The following DEPDC4 variants were observed in gnomAD, a reference collection of about 807,000 sequenced individuals.
DEPDC4 encodes DEP domain containing 4, also known as DEP domain-containing protein 4.
DEPDC4 carries 52 observed loss-of-function variants against 52.0 expected under a neutral mutation model. The ratio of observed to expected loss-of-function variants is 1.00; its 90% CI spans 0.80 to 1.26. The LOEUF (loss-of-function observed/expected upper bound fraction) is 1.26, where lower values mean the gene tolerates loss of function less well. Among genes scored for constraint, DEPDC4 ranks in the 50% most tolerant of loss-of-function variants. DEPDC4 has a pLI of 0.00. For synonymous variants in DEPDC4, 201 were observed against 196.8 expected, an observed-to-expected ratio of 1.02 and a Z score of -0.18; for missense variants, 530 against 546.9, an observed-to-expected ratio of 0.97 and a Z score of 0.31.
chr12:100,232,424 G>T (rs2096136112), intron 9 of DEPDC4, among the ~76,000 whole-genome samples: 1 of 151,418 alleles, frequency 6.6e-6, no homozygotes, highest in Non-Finnish European at 1.5e-5. Context: ...TTGTATATGG[G>T]TTAATTAACA....
chr12:100,274,819 C>T, the DEPDC4 span, among the ~76,000 whole-genome samples: 2 of 152,160 alleles, frequency 1.3e-5, no homozygotes, highest in African/African-American at 2.4e-5. Context: ...ATTTGGAGAG[C>T]GATAGGGCTT....
Position 100,256,158 on chromosome 12 carries a change from A to G in DEPDC4, c.769T>C (p.Leu257=), listed in dbSNP as rs776822028. ...LIHLPFLDNI[L]EPPVKTQNLQ... ...TTTTGTGTTTTAACTGGAGGCTCCAAAATATTGTCCAAGAATGGAAGGTGA... is the reference window on the plus strand; with the variant it reads ...TTTTGTGTTTTAACTGGAGGCTCCAGAATATTGTCCAAGAATGGAAGGTGA... Residue 257 remains leucine, a synonymous_variant, in exon 4 of 10, where the codon TTG becomes CTG. Transcript: ENST00000550587. 1 of 1,613,078 alleles carries G rather than the reference A, an allele frequency of 6.2e-7. No individual in the cohort carries two copies. Among genetic ancestry groups the G allele is most frequent in the African/African-American group, 1.3e-5 (1 of 74,914 alleles).
At chr12:100,277,469 A>G in the DEPDC4 span, among the ~76,000 whole-genome samples, 1 of 152,176 alleles carries the variant, frequency 6.6e-6, no homozygotes, top group African/African-American at 2.4e-5. Context: ...TAGTATTGTT[A>G]TGTCTTTTTG....
intron 9 of DEPDC4, among the ~76,000 whole-genome samples, chr12:100,232,346 C>T (rs373162939): frequency 6.6e-6 from 1 of 150,900 alleles, no homozygotes; most frequent in African/African-American, 2.4e-5. Context: ...CAGTGAGCCA[C>T]GTTCGCGCCA....
At chr12:100,266,664 A>C (rs781068087) in intron 1 of DEPDC4, among the ~76,000 whole-genome samples, 2 of 152,194 alleles carry the variant, frequency 1.3e-5, no homozygotes, top group African/African-American at 2.4e-5. Context: ...CTTTCACAAG[A>C]TCCTAGGGAT....
At chr12:100,246,260 A>C (rs575729611) in intron 8 of DEPDC4, among the ~76,000 whole-genome samples, 11 of 151,392 alleles carry the variant, frequency 7.3e-5, no homozygotes, top group Admixed American at 6.0e-4. Flanking sequence ...ATTATGCGTT[A>C]TCTCTTCTAC....
At chr12:100,260,104 A>C (rs2096248476) in intron 3 of DEPDC4, among the ~76,000 whole-genome samples, 1 of 151,940 alleles carries the variant, frequency 6.6e-6, no homozygotes, top group African/African-American at 2.4e-5. Context: ...AGTGGAAATT[A>C]TTCTTATTAT....
intron 7 of DEPDC4, among the ~76,000 whole-genome samples, chr12:100,249,851 A>G (rs1306838055): frequency 1.3e-5 from 2 of 152,268 alleles, no homozygotes; most frequent in South Asian, 4.1e-4. Context: ...ATGGGAAGTT[A>G]CATTCTCATA....
At chr12:100,276,534 C>T in the DEPDC4 span, among the ~76,000 whole-genome samples, 1 of 151,992 alleles carries the variant, frequency 6.6e-6, no homozygotes, top group Non-Finnish European at 1.5e-5. Flanking sequence ...AACAGGGTCT[C>T]CTTATGTTGC....
downstream of DEPDC4, among the ~76,000 whole-genome samples, chr12:100,235,431 T>C (rs2096139897): frequency 2.0e-5 from 3 of 151,704 alleles, no homozygotes; most frequent in Non-Finnish European, 2.9e-5. Flanking sequence ...TTTGGTTACA[T>C]GAATAAGCTT....
chr12:100,250,488 G>A (rs555448625), intron 7 of DEPDC4, among the ~76,000 whole-genome samples: 1 of 152,228 alleles, frequency 6.6e-6, no homozygotes, highest in African/African-American at 2.4e-5. Context: ...CCAAAATGCT[G>A]GGATTACAGG....
Position 100,251,629 on chromosome 12 carries a change from G to A in DEPDC4, c.1374+547C>T, listed in dbSNP as rs572250058. On this transcript the variant is annotated intron_variant, in intron 7 of 9. Coordinates refer to ENST00000550587, the MANE Select transcript of DEPDC4 (RefSeq NM_001364818.2). The stretch of plus-strand genomic sequence containing the variant: ...GTTGCCCAGGCTGGGGTGCAGTGGC[G>A]CAGTCTTGGTTCATTGCAACCTCCG... 1.5e-4 allele frequency among the ~76,000 whole-genome samples: 23 copies of A among 150,938 alleles called. No individual in the cohort carries two copies. In the East Asian group the frequency reaches 2.2e-3, roughly 14 times the overall value.
rs187583497 is a variant in DEPDC4 at position 100,247,257 on chromosome 12, G to A, written c.1453+1643C>T. 2.4e-3 allele frequency among the ~76,000 whole-genome samples: 297 copies of A among 126,304 alleles called. 5 individuals carry two copies. The East Asian group carries it at 0.041, about 18-fold the overall frequency. The allele number at this position is 126,304 out of a possible 152,430, so 82.9% of individuals were successfully genotyped here. Reference sequence around the variant, plus strand: ...AGAGTCGTGCTCTGTCACCCAGGCTGGAGTGCAGTGGCATGATCTTGGCTC... The same window carrying A: ...AGAGTCGTGCTCTGTCACCCAGGCTAGAGTGCAGTGGCATGATCTTGGCTC... On this transcript the variant is annotated intron_variant, in intron 8 of 9. Transcript: ENST00000550587.
At chr12:100,235,098 C>A (rs1032150369), downstream of DEPDC4, among the ~76,000 whole-genome samples, 2 of 151,194 alleles carry the variant, frequency 1.3e-5, no homozygotes, top group African/African-American at 4.9e-5. Context: ...CATACATATA[C>A]ATATATATGT....
At chr12:100,258,949 T>C (rs894407894) in intron 3 of DEPDC4, among the ~76,000 whole-genome samples, 1 of 151,888 alleles carries the variant, frequency 6.6e-6, no homozygotes, top group African/African-American at 2.4e-5. Flanking sequence ...TGTGTGCCTG[T>C]AATCCCAGCT....
upstream of DEPDC4, among the ~76,000 whole-genome samples, chr12:100,268,071 G>A (rs1178113409): frequency 6.6e-6 from 1 of 152,176 alleles, no homozygotes; most frequent in Non-Finnish European, 1.5e-5. Flanking sequence ...CCTGTGATCC[G>A]TAATTAAGGA....
chr12:100,244,933 G>A (rs748184439), intron 8 of DEPDC4, among the ~76,000 whole-genome samples: 7 of 151,502 alleles, frequency 4.6e-5, no homozygotes, highest in African/African-American at 1.2e-4. Flanking sequence ...GTGCAGTGGC[G>A]CAATCTCAGC....
At chr12:100,274,235 AT>A in the DEPDC4 span, among the ~76,000 whole-genome samples, 1 of 152,162 alleles carries the variant, frequency 6.6e-6, no homozygotes, top group Non-Finnish European at 1.5e-5. Context: ...GTCTTCAAAT[AT>A]TTTTGCTTGT....
At chr12:100,267,378 C>T (rs1236855337), upstream of DEPDC4, 1 of 275,306 alleles carries the variant, frequency 3.6e-6, no homozygotes, top group Non-Finnish European at 6.9e-6. Context: ...AGCACCGCCC[C>T]TCCTGGAAGA....
Sources: gnomAD v4.1 joint callset for allele counts (sites outside exome capture counted in the v4.1 genomes callset) on GRCh38, gnomAD v4.1.1 for gene constraint, MANE v1.5 for transcripts, NCBI Gene and HGNC (gene_info 2026-07-23, HGNC 2026-07-21) for gene names.